The following PRKN variants were observed in gnomAD, a reference collection of about 807,000 sequenced individuals.
PRKN encodes E3 ubiquitin-protein ligase parkin.
PRKN carries 56 observed loss-of-function variants against 59.5 expected under a neutral mutation model. The observed-to-expected ratio is 0.94, with a 90% CI of 0.76 to 1.18. PRKN has a LOEUF of 1.18. PRKN is among the 50% of genes most tolerant of loss of function. The pLI, the probability that PRKN is intolerant of heterozygous loss-of-function variation, is 0.00. For synonymous variants in PRKN, 250 were observed against 222.1 expected, an observed-to-expected ratio of 1.13 and a Z score of -1.12; for missense variants, 657 against 596.4, an observed-to-expected ratio of 1.10 and a Z score of -1.06.
intron 2 of PRKN, among the ~76,000 whole-genome samples, chr6:162,340,010 C>A (rs1184120557): frequency 6.8e-6 from 1 of 147,468 alleles, no homozygotes; most frequent in African/African-American, 2.5e-5. Flanking sequence ...CGGAAGGCCG[C>A]AGGGTCCTCT....
At chr6:161,981,357 T>G (rs557221978) in intron 5 of PRKN, among the ~76,000 whole-genome samples, 1 of 152,278 alleles carries the variant, frequency 6.6e-6, no homozygotes, top group Non-Finnish European at 1.5e-5. Flanking sequence ...ATTATTAATC[T>G]TAATAATAAA....
At chr6:161,885,418 A>T (rs2128230584) in intron 6 of PRKN, among the ~76,000 whole-genome samples, 1 of 152,226 alleles carries the variant, frequency 6.6e-6, no homozygotes, top group Middle Eastern at 3.4e-3. Flanking sequence ...TAATCCCAGC[A>T]CTTTGGGAGG....
At position 161,526,791 on chromosome 6, in the gene PRKN, C is replaced by T. The variant is rs182702132; in HGVS notation, c.1083+22063G>A. Among the ~76,000 whole-genome samples, 713 of 152,154 alleles carry T rather than the reference C, an allele frequency of 4.7e-3. 2 individuals carry two copies. The highest frequency in any genetic ancestry group is 0.01 in the Middle Eastern group (3 of 294). Reference sequence around the variant, plus strand: ...TAAACTGACAGTAGACAGATCAACACGATAAAATACATACAAATTTATTAC... The same window carrying T: ...TAAACTGACAGTAGACAGATCAACATGATAAAATACATACAAATTTATTAC... On this transcript the variant is annotated intron_variant, in intron 9 of 11. Coordinates refer to ENST00000366898, the MANE Select transcript of PRKN (RefSeq NM_004562.3). The surrounding 1 kb of genome is among the most constrained non-coding windows in gnomAD (Gnocchi z 4.1).
intron 9 of PRKN, among the ~76,000 whole-genome samples, chr6:161,536,838 G>C (rs1779432059): frequency 6.6e-6 from 1 of 152,114 alleles, no homozygotes; most frequent in Non-Finnish European, 1.5e-5. Context: ...GGTTTCTTTA[G>C]ACCAAGAAAC....
At chr6:162,469,068 T>G (rs1791578995) in intron 1 of PRKN, among the ~76,000 whole-genome samples, 1 of 152,006 alleles carries the variant, frequency 6.6e-6, no homozygotes, top group African/African-American at 2.4e-5. Context: ...TCATAAACAT[T>G]CCTTAGGGAT....
At chr6:161,709,355 A>G (rs186692953) in intron 7 of PRKN, among the ~76,000 whole-genome samples, 17 of 152,316 alleles carry the variant, frequency 1.1e-4, no homozygotes, top group Admixed American at 9.8e-4. Flanking sequence ...CTACTCTAAC[A>G]TGAATTTATC....
chr6:162,015,539 T>C (rs1782904410), intron 5 of PRKN, among the ~76,000 whole-genome samples: 1 of 152,178 alleles, frequency 6.6e-6, no homozygotes, highest in African/African-American at 2.4e-5. Flanking sequence ...ATTTGTAAGC[T>C]GGAGATTGTC....
intron 9 of PRKN, among the ~76,000 whole-genome samples, chr6:161,412,592 C>G (rs558170422): frequency 2.5e-4 from 37 of 149,840 alleles, no homozygotes; most frequent in Non-Finnish European, 4.7e-4. Flanking sequence ...TCCGCTCACT[C>G]AGTCCTTTCT....
At chr6:161,585,522 T>C (rs1426722405) in intron 7 of PRKN, among the ~76,000 whole-genome samples, 2 of 152,258 alleles carry the variant, frequency 1.3e-5, no homozygotes, top group African/African-American at 4.8e-5. Context: ...GAGTCTGCTA[T>C]ATTCACATCT....
intron 2 of PRKN, among the ~76,000 whole-genome samples, chr6:162,429,651 C>T (rs77194647): frequency 1.4e-4 from 21 of 152,220 alleles, no homozygotes; most frequent in African/African-American, 2.2e-4. Context: ...GTCACACCCA[C>T]GACACAAACT....
chr6:161,780,446 TC>T (rs1790156264), intron 7 of PRKN, among the ~76,000 whole-genome samples: 1 of 152,194 alleles, frequency 6.6e-6, no homozygotes, highest in African/African-American at 2.4e-5. Context: ...AAAGGGGTTA[TC>T]CCAAGGGAAC....
At chr6:161,794,238 T>G (rs199610570) in intron 6 of PRKN, among the ~76,000 whole-genome samples, 1 of 152,202 alleles carries the variant, frequency 6.6e-6, no homozygotes, top group East Asian at 1.9e-4. Flanking sequence ...GTTGCAGACA[T>G]ACTCCCTTCA....
In PRKN at chr6:161,757,871, C is replaced by CTCTCTCTCTCTCTCTCTCTCTCTGTG. The variant is rs1380898753; in HGVS notation, c.871+27900_871+27901insCACAGAGAGAGAGAGAGAGAGAGAGA. ...TCTCTCTCTCTCTCTCTCTCTCTCT[C>CTCTCTCTCTCTCTCTCTCTCTCTGTG]TGTGTATATATATATACACACACAC... is the stretch of plus-strand genomic sequence containing the variant. On this transcript the variant is annotated intron_variant, in intron 7 of 11. Coordinates refer to ENST00000366898, the MANE Select transcript of PRKN (RefSeq NM_004562.3). Among the ~76,000 whole-genome samples, 877 of 97,884 alleles carry CTCTCTCTCTCTCTCTCTCTCTCTGTG rather than the reference C, an allele frequency of 9.0e-3. 105 individuals are homozygous for CTCTCTCTCTCTCTCTCTCTCTCTGTG. Among genetic ancestry groups the CTCTCTCTCTCTCTCTCTCTCTCTGTG allele is most frequent in the African/African-American group, 0.023 (518 of 22,290 alleles). The allele number at this position is 97,884 out of a possible 152,430, so 64.2% of individuals were successfully genotyped here. A position where few individuals can be genotyped will look rare whatever the true frequency, so the allele number is the denominator to read the frequency against.
chr6:161,490,667 A>G (rs1777520101), intron 9 of PRKN, among the ~76,000 whole-genome samples: 1 of 152,124 alleles, frequency 6.6e-6, no homozygotes, highest in Non-Finnish European at 1.5e-5. Flanking sequence ...CTGGGATTAC[A>G]GGTGTGAGCC....
At chr6:161,770,162 G>C (rs751422196) in intron 7 of PRKN, among the ~76,000 whole-genome samples, 2 of 152,142 alleles carry the variant, frequency 1.3e-5, no homozygotes, top group Admixed American at 1.3e-4. Context: ...GGGACACTGC[G>C]TTGAAGCTCA....
At chr6:162,544,873 C>T (rs1779058637) in intron 1 of PRKN, among the ~76,000 whole-genome samples, 2 of 150,146 alleles carry the variant, frequency 1.3e-5, no homozygotes, top group African/African-American at 2.4e-5. Flanking sequence ...GACAGGGTTT[C>T]ACCAGGTTGG....
chr6:162,418,349 G>T (rs751788588), intron 2 of PRKN, among the ~76,000 whole-genome samples: 6 of 152,112 alleles, frequency 3.9e-5, no homozygotes, highest in African/African-American at 1.2e-4. Context: ...CTGAGAAAAG[G>T]GAATGACTGC....
At chr6:162,408,313 G>A (rs1788178607) in intron 2 of PRKN, among the ~76,000 whole-genome samples, 1 of 151,362 alleles carries the variant, frequency 6.6e-6, no homozygotes, top group Admixed American at 6.6e-5. Flanking sequence ...CAAAACAAAA[G>A]CTTAAGTGAC....
At chr6:162,639,175 C>T (rs1367249737) in intron 1 of PRKN, among the ~76,000 whole-genome samples, 1 of 152,100 alleles carries the variant, frequency 6.6e-6, no homozygotes, top group African/African-American at 2.4e-5. Flanking sequence ...CCTGATTCAC[C>T]GCATGCTTAT....
Sources: gnomAD v4.1 joint callset for allele counts (sites outside exome capture counted in the v4.1 genomes callset) on GRCh38, gnomAD v4.1.1 for gene constraint, Gnocchi (gnomAD v3.1) non-coding constraint, MANE v1.5 for transcripts, NCBI Gene and HGNC (gene_info 2026-07-23, HGNC 2026-07-21) for gene names.